The following CTNNA2 variants were observed in gnomAD, a reference collection of about 807,000 sequenced individuals.
CTNNA2 encodes catenin alpha-2.
Under a neutral mutation model 101.0 loss-of-function variants are expected in CTNNA2, and 42 were observed. The ratio of observed to expected loss-of-function variants is 0.42; its 90% CI spans 0.32 to 0.54. The LOEUF (loss-of-function observed/expected upper bound fraction) is 0.54. Among genes scored for constraint, CTNNA2 ranks in the 20% least tolerant of loss-of-function variants. CTNNA2 has a pLI of 0.14. For missense variants in CTNNA2, 871 were observed against 1,223.1 expected, an observed-to-expected ratio of 0.71 and a Z score of 4.29; for synonymous variants, 450 against 456.4, an observed-to-expected ratio of 0.99 and a Z score of 0.18.
At position 79,204,302 on chromosome 2, in the gene CTNNA2, G is replaced by A. The variant is rs554150747; in HGVS notation, c.-406+6226G>A. On this transcript the variant is annotated intron_variant, in intron 2 of 21. Coordinates refer to the CTNNA2 transcript ENST00000466387. ...GCCTTTTGGCAGCTCTTTCTTCATC[G>A]GACACCTATTTCTTTTGTTATGCTC... 5.8e-4 allele frequency among the ~76,000 whole-genome samples: 89 copies of A among 152,224 alleles called. 1 individual carries two copies. The highest frequency in any genetic ancestry group is 2.0e-3 in the African/African-American group (83 of 41,526).
chr2:79,625,555 G>T (rs1036374835), intron 1 of CTNNA2, among the ~76,000 whole-genome samples: 1 of 152,152 alleles, frequency 6.6e-6, no homozygotes, highest in African/African-American at 2.4e-5. Flanking sequence ...CATGGAAATT[G>T]TATTTCTTAC....
intron 9 of CTNNA2, among the ~76,000 whole-genome samples, chr2:80,430,377 A>T (rs1681381266): frequency 6.6e-6 from 1 of 152,154 alleles, no homozygotes. Context: ...AGTTAATATC[A>T]TAATTTTGCA....
intron 4 of CTNNA2, among the ~76,000 whole-genome samples, chr2:79,501,388 C>T (rs1013419979): frequency 2.0e-5 from 3 of 152,182 alleles, no homozygotes; most frequent in African/African-American, 7.2e-5. Flanking sequence ...CCTCTGCCTC[C>T]TGAGTAGCTG....
rs1048955748 is a variant in CTNNA2, at chr2:79,310,370, A to G, written c.-405-2339A>G. 2.4e-5 allele frequency among the ~76,000 whole-genome samples: 3 copies of G among 127,298 alleles called. No homozygotes were observed. The East Asian group carries it at 5.8e-4, about 25-fold the overall frequency. 83.5% of individuals were successfully genotyped at this position (127,298 alleles called of 152,430 possible). Reference sequence around the variant, plus strand: ...ACAGTTCACTTTTAAATTTTTCATTAAGACCTTTCATTTTTAAATTGAACC... The same window carrying G: ...ACAGTTCACTTTTAAATTTTTCATTGAGACCTTTCATTTTTAAATTGAACC... On this transcript the variant is annotated intron_variant, in intron 2 of 21. Coordinates refer to the CTNNA2 transcript ENST00000466387.
chr2:79,549,242 A>G (rs1263795377), intron 1 of CTNNA2, among the ~76,000 whole-genome samples: 2 of 152,232 alleles, frequency 1.3e-5, no homozygotes, highest in African/African-American at 4.8e-5. Flanking sequence ...AATAGAATTT[A>G]AATGTCTTTT....
chr2:79,329,239 C>T (rs1676815981), intron 3 of CTNNA2, among the ~76,000 whole-genome samples: 1 of 152,154 alleles, frequency 6.6e-6, no homozygotes, highest in Non-Finnish European at 1.5e-5. Context: ...CTGCTTCCTG[C>T]CTTGTATCCT....
At position 80,572,219 on chromosome 2, in the gene CTNNA2, C is replaced by T. The variant is rs375486693; in HGVS notation, c.1742-1944C>T. ...TATGCCTATAAGTATGAAATTACATCTCATTGTTTGCATTATTTCTCTGAT... is the reference window on the plus strand; with the variant it reads ...TATGCCTATAAGTATGAAATTACATTTCATTGTTTGCATTATTTCTCTGAT... On this transcript the variant is annotated intron_variant, in intron 12 of 18. Coordinates refer to ENST00000402739, the MANE Select transcript of CTNNA2 (RefSeq NM_001282597.3). Among the ~76,000 whole-genome samples the T allele has an allele frequency of 2.6e-5, 4 of 152,236 alleles. No homozygotes were observed. The East Asian group carries it at 5.8e-4, about 22-fold the overall frequency.
At chr2:80,571,205 G>A (rs1338531231) in intron 12 of CTNNA2, among the ~76,000 whole-genome samples, 2 of 152,126 alleles carry the variant, frequency 1.3e-5, no homozygotes, top group African/African-American at 4.8e-5. Flanking sequence ...GCAGGTTGGG[G>A]TCTGAGCGGT....
chr2:79,859,925 A>T (rs1421966768), intron 4 of CTNNA2, among the ~76,000 whole-genome samples: 1 of 151,898 alleles, frequency 6.6e-6, no homozygotes, highest in East Asian at 1.9e-4. Flanking sequence ...GGTGGTGGGG[A>T]GGTTTGAATG....
At chr2:80,327,624 C>T (rs11126756) in intron 7 of CTNNA2, among the ~76,000 whole-genome samples, 25,136 of 152,162 alleles carry the variant, frequency 0.17, 2,149 homozygotes, top group African/African-American at 0.21. Context: ...CAAATACAAT[C>T]CTTGGAAACA....
chr2:80,535,296 T>TA (rs1471803478), intron 9 of CTNNA2, among the ~76,000 whole-genome samples: 1 of 152,164 alleles, frequency 6.6e-6, no homozygotes. Context: ...CTGTCATATA[T>TA]AGGCACTCAA....
chr2:79,943,374 A>G (rs1688290159), intron 7 of CTNNA2, among the ~76,000 whole-genome samples: 1 of 152,210 alleles, frequency 6.6e-6, no homozygotes, highest in Non-Finnish European at 1.5e-5. Flanking sequence ...ACCAAATACT[A>G]AAAAGATGAG....
intron 7 of CTNNA2, among the ~76,000 whole-genome samples, chr2:80,375,399 TA>T (rs1373493522): frequency 6.6e-6 from 1 of 151,756 alleles, no homozygotes; most frequent in Non-Finnish European, 1.5e-5. Flanking sequence ...GTTGTGGGGA[TA>T]GGGGTGGATT....
At chr2:80,625,818 C>T (rs757132135) in intron 18 of CTNNA2, among the ~76,000 whole-genome samples, 15 of 151,928 alleles carry the variant, frequency 9.9e-5, no homozygotes, top group African/African-American at 2.4e-4. Flanking sequence ...TGCTAGATTT[C>T]GAAATGCACT....
intron 2 of CTNNA2, among the ~76,000 whole-genome samples, chr2:79,262,145 G>A (rs1674930495): frequency 6.6e-6 from 1 of 152,100 alleles, no homozygotes; most frequent in Non-Finnish European, 1.5e-5. Flanking sequence ...ATAAAGAGAG[G>A]ATTCTTACTT....
At chr2:80,542,264 T>TG (rs200486179) in intron 9 of CTNNA2, among the ~76,000 whole-genome samples, 3 of 152,010 alleles carry the variant, frequency 2.0e-5, no homozygotes, top group Non-Finnish European at 4.4e-5. Flanking sequence ...TATATATATA[T>TG]TATAGTTTGT....
intron 3 of CTNNA2, among the ~76,000 whole-genome samples, chr2:79,322,295 A>T (rs1676644993): frequency 6.6e-6 from 1 of 152,144 alleles, no homozygotes; most frequent in South Asian, 2.1e-4. Flanking sequence ...GGGCTGCCAC[A>T]TTCGTTTCAT....
intron 7 of CTNNA2, among the ~76,000 whole-genome samples, chr2:79,930,308 G>GAAAGAAAGAAAGAA (rs1462795780): frequency 2.3e-5 from 2 of 86,522 alleles, no homozygotes; most frequent in African/African-American, 9.9e-5. Context: ...AAGAAAGAAA[G>GAAAGAAAGAAAGAA]AAAGAAAGAA....
At chr2:79,976,681 G>T (rs1690868286) in intron 7 of CTNNA2, among the ~76,000 whole-genome samples, 1 of 152,156 alleles carries the variant, frequency 6.6e-6, no homozygotes, top group Non-Finnish European at 1.5e-5. Context: ...CCATTGCATA[G>T]ACAATAAAGC....
Sources: allele counts gnomAD v4.1 joint callset (sites outside exome capture counted in the v4.1 genomes callset), GRCh38; gene constraint gnomAD v4.1.1; transcripts MANE v1.5; gene names NCBI Gene and HGNC (gene_info 2026-07-23, HGNC 2026-07-21).